The following SGCZ variants were observed in gnomAD, a reference collection of about 807,000 sequenced individuals.
The protein encoded by SGCZ is sarcoglycan zeta.
In SGCZ, 40 loss-of-function variants were observed where a neutral mutation model predicts 41.3. The observed-to-expected ratio is 0.97, with a 90% confidence interval of 0.75 to 1.26. The LOEUF (loss-of-function observed/expected upper bound fraction) is 1.26. Ranked by LOEUF, SGCZ falls within the 50% of genes most tolerant of loss-of-function variation. SGCZ has a pLI of 0.00. For missense variants in SGCZ, 552 were observed against 369.8 expected (o/e 1.49, Z -4.04); for synonymous variants, 206 against 137.5 (o/e 1.50, Z -3.49).
At chr8:14,958,121 G>T (rs1248205542) in intron 1 of SGCZ, among the ~76,000 whole-genome samples, 1 of 151,320 alleles carries the variant, frequency 6.6e-6, no homozygotes, top group Non-Finnish European at 1.5e-5. Context: ...AACCAGTAGG[G>T]GTCCTCTGGA....
intron 3 of SGCZ, among the ~76,000 whole-genome samples, chr8:14,256,868 T>A (rs984798005): frequency 1.3e-5 from 2 of 152,224 alleles, no homozygotes; most frequent in Non-Finnish European, 2.9e-5. Flanking sequence ...TAATTATTTA[T>A]AGACCATTGT....
chr8:14,661,494 T>C (rs1807749401), intron 1 of SGCZ, among the ~76,000 whole-genome samples: 1 of 152,220 alleles, frequency 6.6e-6, no homozygotes, highest in African/African-American at 2.4e-5. Context: ...AGAAATCCTC[T>C]TTTCAAATAC....
intron 3 of SGCZ, among the ~76,000 whole-genome samples, chr8:14,244,064 C>T (rs945493722): frequency 7.2e-5 from 11 of 152,106 alleles, no homozygotes; most frequent in Non-Finnish European, 1.5e-4. Context: ...ATTACAAGAT[C>T]CAGGCTACAT....
chr8:14,225,457 CACTT>C (rs1031005444), intron 4 of SGCZ, among the ~76,000 whole-genome samples: 9 of 147,458 alleles, frequency 6.1e-5, no homozygotes, highest in African/African-American at 1.7e-4. Flanking sequence ...GATAAATGAC[CACTT>C]AGTGTTTTTA....
In SGCZ at chr8:14,569,652, A is replaced by G. The variant is rs1370380601; in HGVS notation, c.40-14726T>C. Among the ~76,000 whole-genome samples, 3 of 152,288 alleles carry G rather than the reference A, an allele frequency of 2.0e-5. No homozygotes were observed. In the East Asian group the frequency reaches 5.8e-4, roughly 29 times the overall value. Reference sequence around the variant, plus strand: ...ACATAAATGTAACATATGGTAAGTGAGATGTTAAGAGGAGCTCAAGAATGC... The same window carrying G: ...ACATAAATGTAACATATGGTAAGTGGGATGTTAAGAGGAGCTCAAGAATGC... On this transcript the variant is annotated intron_variant, in intron 1 of 7. Coordinates refer to ENST00000382080, the MANE Select transcript of SGCZ (RefSeq NM_139167.4).
At chr8:14,213,840 T>TA (rs1461045907) in intron 4 of SGCZ, among the ~76,000 whole-genome samples, 1 of 152,110 alleles carries the variant, frequency 6.6e-6, no homozygotes, top group Non-Finnish European at 1.5e-5. Flanking sequence ...TCACTTGAAG[T>TA]AAAAAAGTTA....
At chr8:14,282,340 A>T (rs1800475618) in intron 3 of SGCZ, among the ~76,000 whole-genome samples, 2 of 57,444 alleles carry the variant, frequency 3.5e-5, no homozygotes, top group East Asian at 1.1e-3. Flanking sequence ...TCTGTCTGCC[A>T]AAAATCCCTT....
chr8:14,554,491 G>A (rs1037825035), intron 2 of SGCZ, among the ~76,000 whole-genome samples: 1 of 151,950 alleles, frequency 6.6e-6, no homozygotes, highest in African/African-American at 2.4e-5. Flanking sequence ...ATGAATCAAT[G>A]TGCTGTACTG....
intron 1 of SGCZ, among the ~76,000 whole-genome samples, chr8:14,666,598 A>C (rs1807918228): frequency 6.6e-6 from 1 of 151,902 alleles, no homozygotes; most frequent in Admixed American, 6.6e-5. Flanking sequence ...CATATTTATC[A>C]GTCTTTGGAA....
At chr8:14,657,587 A>C (rs1213622079) in intron 1 of SGCZ, among the ~76,000 whole-genome samples, 1 of 152,090 alleles carries the variant, frequency 6.6e-6, no homozygotes, top group Non-Finnish European at 1.5e-5. Flanking sequence ...GAACTTTCTG[A>C]ATTTGGATTC....
At chr8:14,494,799 G>A (rs7834116) in intron 2 of SGCZ, among the ~76,000 whole-genome samples, 152,161 of 152,284 alleles carry the variant, frequency 1, 76,019 homozygotes, top group Non-Finnish European at 1. Context: ...GCTGGTTTTT[G>A]CAGTAGCCTG....
At chr8:15,098,147 G>T (rs1806457443) in intron 1 of SGCZ, among the ~76,000 whole-genome samples, 2 of 151,220 alleles carry the variant, frequency 1.3e-5, no homozygotes, top group South Asian at 4.2e-4. Flanking sequence ...GAGCAGGAAA[G>T]GAGGTAAGAA....
chr8:14,176,478 T>G (rs1190619861), intron 4 of SGCZ, among the ~76,000 whole-genome samples: 9 of 152,226 alleles, frequency 5.9e-5, no homozygotes. Flanking sequence ...TTGTCAAAAC[T>G]TGGGAAATAT....
intron 1 of SGCZ, among the ~76,000 whole-genome samples, chr8:15,124,286 A>C (rs967947793): frequency 6.6e-6 from 1 of 152,282 alleles, no homozygotes. Flanking sequence ...CTATATTACA[A>C]GGATGGAGAG....
intron 2 of SGCZ, among the ~76,000 whole-genome samples, chr8:14,399,367 C>A (rs981836925): frequency 4.6e-5 from 7 of 152,130 alleles, no homozygotes; most frequent in Non-Finnish European, 1.0e-4. Context: ...TGGGCATCCA[C>A]TTGCTCTTCA....
intron 2 of SGCZ, among the ~76,000 whole-genome samples, chr8:14,401,253 CATACATAT>C (rs1799063946): frequency 1.3e-5 from 2 of 151,766 alleles, no homozygotes; most frequent in African/African-American, 4.8e-5. Context: ...CTCAAATATA[CATACATAT>C]ATATAGTTTT....
At chr8:14,919,348 G>C (rs1799524765) in intron 1 of SGCZ, among the ~76,000 whole-genome samples, 1 of 152,114 alleles carries the variant, frequency 6.6e-6, no homozygotes. Flanking sequence ...GGCTGAAGCA[G>C]GAGAATTGCT....
At chr8:14,183,067 T>A (rs1804782757) in intron 4 of SGCZ, among the ~76,000 whole-genome samples, 1 of 150,254 alleles carries the variant, frequency 6.7e-6, no homozygotes, top group Non-Finnish European at 1.5e-5. Flanking sequence ...AAGAAAAAAA[T>A]TAAACATTTG....
intron 3 of SGCZ, among the ~76,000 whole-genome samples, chr8:14,242,089 T>C (rs1249152069): frequency 6.6e-6 from 1 of 152,100 alleles, no homozygotes; most frequent in Non-Finnish European, 1.5e-5. Context: ...ATAAACCAGA[T>C]AATTAACAAT....
Sources: allele counts gnomAD v4.1 joint callset (sites outside exome capture counted in the v4.1 genomes callset), GRCh38; gene constraint gnomAD v4.1.1; transcripts MANE v1.5; gene names NCBI Gene and HGNC (gene_info 2026-07-23, HGNC 2026-07-21).